RSRC1: variants seen among roughly 807,000 people sequenced by gnomAD.
The protein encoded by RSRC1 is serine/Arginine-related protein 53.
In RSRC1, 39 loss-of-function variants were observed where a neutral mutation model predicts 49.1. That is an observed-to-expected ratio of 0.79 (90% CI 0.61 to 1.04). The LOEUF is 1.04. Ranked by LOEUF, RSRC1 falls within the 50% of genes least tolerant of loss-of-function variation. The pLI, the probability that RSRC1 is intolerant of heterozygous loss-of-function variation, is 0.00. For missense variants in RSRC1, 388 were observed against 402.4 expected (o/e 0.96, Z 0.31); for synonymous variants, 143 against 130.8 (o/e 1.09, Z -0.63).
chr3:158,439,807 G>C (rs1736277792), intron 6 of RSRC1, among the ~76,000 whole-genome samples: 1 of 150,348 alleles, frequency 6.7e-6, no homozygotes, highest in Admixed American at 6.6e-5. Flanking sequence ...AGAACTTGAA[G>C]TACAATAAAA....
intron 6 of RSRC1, among the ~76,000 whole-genome samples, chr3:158,422,156 T>G (rs569951549): frequency 6.6e-6 from 1 of 151,258 alleles, no homozygotes; most frequent in South Asian, 2.1e-4. Context: ...ACATGTGCCA[T>G]GCTGGTGCGC....
At chr3:158,432,365 C>A (rs1202556166) in intron 6 of RSRC1, among the ~76,000 whole-genome samples, 1 of 151,896 alleles carries the variant, frequency 6.6e-6, no homozygotes. Context: ...GAAAGGCAGT[C>A]TTAATACAGT....
intron 7 of RSRC1, among the ~76,000 whole-genome samples, chr3:158,485,714 A>C (rs1171668251): frequency 6.6e-6 from 1 of 152,150 alleles, no homozygotes; most frequent in East Asian, 1.9e-4. Context: ...TATGTGAATT[A>C]TTTTTAGTTG....
intron 5 of RSRC1, among the ~76,000 whole-genome samples, chr3:158,340,508 T>A (rs1730171120): frequency 6.6e-6 from 1 of 151,838 alleles, no homozygotes; most frequent in Non-Finnish European, 1.5e-5. Context: ...ACCACTGCAC[T>A]CCAGCCTGGG....
intron 6 of RSRC1, among the ~76,000 whole-genome samples, chr3:158,387,480 T>C (rs985161760): frequency 3.3e-5 from 5 of 152,158 alleles, no homozygotes; most frequent in African/African-American, 1.2e-4. Flanking sequence ...GCTTATTAAA[T>C]AAAAAAATTA....
chr3:158,342,622 A>G (rs976139039), intron 5 of RSRC1, among the ~76,000 whole-genome samples: 3 of 152,192 alleles, frequency 2.0e-5, no homozygotes, highest in African/African-American at 7.2e-5. Flanking sequence ...ATAAATTATT[A>G]TTAACATGCA....
rs757531361 is a variant in RSRC1 at position 158,110,129 on chromosome 3, G to C, written c.-97G>C. 4 of 152,282 alleles carry C rather than the reference G, an allele frequency of 2.6e-5. No homozygotes were observed. Among genetic ancestry groups the C allele is most frequent in the Non-Finnish European group, 5.9e-5 (4 of 68,074 alleles). 9.4% of individuals were successfully genotyped at this position (152,282 alleles called of 1,614,324 possible). On this transcript the variant is annotated 5_prime_UTR_variant, in exon 1 of 10. Transcript: ENST00000611884. ...CTGAGCTTAAACTGAAGCAAGTTCG[G>C]TGGACGCCGGCGGCGCCCTGATCTA...
chr3:158,306,907 ATGT>A (rs1378673452), intron 5 of RSRC1, among the ~76,000 whole-genome samples: 6 of 151,806 alleles, frequency 4.0e-5, no homozygotes, highest in Admixed American at 1.3e-4. Flanking sequence ...GCTCTTGCAA[ATGT>A]TGTGCGTTTA....
intron 9 of RSRC1, chr3:158,543,749 C>CTTT (rs34676157): frequency 1.4e-4 from 37 of 259,096 alleles, no homozygotes; most frequent in South Asian, 3.6e-4. Flanking sequence ...GCATTTTTTC[C>CTTT]TTTTTTTTTT....
At chr3:158,426,110 T>C (rs1176354031) in intron 6 of RSRC1, among the ~76,000 whole-genome samples, 1 of 151,694 alleles carries the variant, frequency 6.6e-6, no homozygotes, top group African/African-American at 2.4e-5. Context: ...TATTAAAAAG[T>C]GAAATTTTCA....
intron 3 of RSRC1, among the ~76,000 whole-genome samples, chr3:158,145,403 T>C (rs1387147237): frequency 6.6e-6 from 1 of 152,166 alleles, no homozygotes; most frequent in African/African-American, 2.4e-5. Context: ...TTTCCCCATT[T>C]CTTGTTTTTG....
At chr3:158,294,750 T>G (rs147495929) in intron 4 of RSRC1, among the ~76,000 whole-genome samples, 11 of 152,272 alleles carry the variant, frequency 7.2e-5, no homozygotes, top group Admixed American at 2.0e-4. Context: ...CTACACATGT[T>G]CATGCACATA....
intron 6 of RSRC1, among the ~76,000 whole-genome samples, chr3:158,401,596 T>A (rs1733897914): frequency 6.6e-6 from 1 of 152,020 alleles, no homozygotes; most frequent in Non-Finnish European, 1.5e-5. Context: ...CCAGAACTCC[T>A]TTTCCTATTA....
chr3:158,328,036 C>G (rs910466268), intron 5 of RSRC1, among the ~76,000 whole-genome samples: 1 of 152,146 alleles, frequency 6.6e-6, no homozygotes, highest in African/African-American at 2.4e-5. Flanking sequence ...TCTGTTTTAT[C>G]AGAGACTAGG....
At chr3:158,461,404 T>G (rs1302788709) in intron 7 of RSRC1, among the ~76,000 whole-genome samples, 1 of 151,866 alleles carries the variant, frequency 6.6e-6, no homozygotes, top group Non-Finnish European at 1.5e-5. Flanking sequence ...GAGAGAACAT[T>G]GAAATTCAAA....
chr3:158,210,410 G>T (rs978620394), intron 4 of RSRC1, among the ~76,000 whole-genome samples: 2 of 151,290 alleles, frequency 1.3e-5, no homozygotes, highest in African/African-American at 4.9e-5. Flanking sequence ...AGTGGCGAAG[G>T]GTAAATGTTT....
In RSRC1 at chr3:158,378,085, A is replaced by G. The variant is rs746984632; in HGVS notation, c.583+23177A>G. ...CTATCGCTCTGTTTTATCATTTTTC[A>G]TGGTCACTGATCCTGCCATTTCTAT... is the stretch of plus-strand genomic sequence containing the variant. On this transcript the variant is annotated intron_variant, in intron 6 of 9. Coordinates refer to ENST00000611884, the MANE Select transcript of RSRC1 (RefSeq NM_001271838.2). 4.0e-4 allele frequency among the ~76,000 whole-genome samples: 61 copies of G among 151,934 alleles called. 1 individual carries two copies. The highest frequency in any genetic ancestry group is 1.5e-4 in the Non-Finnish European group (10 of 67,978).
chr3:158,428,900 T>C (rs1242335192), intron 6 of RSRC1, among the ~76,000 whole-genome samples: 5 of 151,888 alleles, frequency 3.3e-5, no homozygotes, highest in Non-Finnish European at 7.4e-5. Context: ...CCTGAGGTAT[T>C]TCTCTAGCAG....
intron 4 of RSRC1, among the ~76,000 whole-genome samples, chr3:158,277,480 T>C (rs1234319924): frequency 6.6e-6 from 1 of 152,006 alleles, no homozygotes; most frequent in African/African-American, 2.4e-5. Context: ...AAGTAGAAGC[T>C]CCTCAATTGT....
Sources: allele counts gnomAD v4.1 joint callset (sites outside exome capture counted in the v4.1 genomes callset), GRCh38; gene constraint gnomAD v4.1.1; transcripts MANE v1.5; gene names NCBI Gene and HGNC (gene_info 2026-07-23, HGNC 2026-07-21).